The following ST6GAL1 variants were observed in gnomAD, a reference collection of about 807,000 sequenced individuals.
The protein encoded by ST6GAL1 is ST6 beta-galactoside alpha-2,6-sialyltransferase 1, also known as beta-galactoside alpha-2,6-sialyltransferase 1.
In ST6GAL1, 20 loss-of-function variants were observed where a neutral mutation model predicts 38.0. That is an observed-to-expected ratio of 0.53 (90% CI 0.37 to 0.77). The LOEUF is 0.77. ST6GAL1 is among the 30% of genes least tolerant of loss of function. ST6GAL1 has a pLI of 0.00. For synonymous variants in ST6GAL1, 196 were observed against 188.2 expected (o/e 1.04, Z -0.34); for missense variants, 432 against 496.4 (o/e 0.87, Z 1.23).
At chr3:187,027,081 A>G (rs865910428) in intron 2 of ST6GAL1, among the ~76,000 whole-genome samples, 9 of 151,966 alleles carry the variant, frequency 5.9e-5, no homozygotes, top group Middle Eastern at 3.4e-3. Context: ...AAAAATAAAA[A>G]ATAAAATAAA....
chr3:187,043,447 T>C, intron 4 of ST6GAL1, 137 bp downstream of exon 4: 1 of 1,292,964 alleles, frequency 7.7e-7, no homozygotes, highest in Non-Finnish European at 1.0e-6. Flanking sequence ...TTTTTCAGAG[T>C]CACAAGTGAC....
At chr3:187,017,620 C>T (rs1019644173) in intron 2 of ST6GAL1, among the ~76,000 whole-genome samples, 2 of 152,142 alleles carry the variant, frequency 1.3e-5, no homozygotes, top group Non-Finnish European at 2.9e-5. Flanking sequence ...CTAGCAATGA[C>T]GTCAGTTTGT....
At chr3:186,972,778 C>T (rs1715393849) in intron 2 of ST6GAL1, among the ~76,000 whole-genome samples, 1 of 152,180 alleles carries the variant, frequency 6.6e-6, no homozygotes, top group Admixed American at 6.5e-5. Context: ...TTCAGTGTAG[C>T]ACTGCCCTAT....
chr3:187,010,447 CAA>C (rs1261900324), intron 2 of ST6GAL1, among the ~76,000 whole-genome samples: 5 of 152,184 alleles, frequency 3.3e-5, no homozygotes, highest in African/African-American at 1.2e-4. Flanking sequence ...GAGGCAGAGA[CAA>C]GAGTAGAAGA....
intron 5 of ST6GAL1, among the ~76,000 whole-genome samples, chr3:187,065,893 C>T (rs1380182829): frequency 6.6e-6 from 1 of 152,170 alleles, no homozygotes; most frequent in Non-Finnish European, 1.5e-5. Flanking sequence ...CCACCAACCA[C>T]CATTTTACCT....
At chr3:187,055,393 A>T (rs1401859177) in intron 5 of ST6GAL1, among the ~76,000 whole-genome samples, 1 of 151,716 alleles carries the variant, frequency 6.6e-6, no homozygotes, top group African/African-American at 2.4e-5. Context: ...TTTAATTGTG[A>T]TGTTAGGGTG....
At chr3:186,991,731 C>G (rs1327436699) in intron 2 of ST6GAL1, among the ~76,000 whole-genome samples, 1 of 152,060 alleles carries the variant, frequency 6.6e-6, no homozygotes, top group African/African-American at 2.4e-5. Context: ...TGGGGTGATC[C>G]CTATTCACCT....
chr3:187,016,806 G>T (rs1290867023), intron 2 of ST6GAL1, among the ~76,000 whole-genome samples: 1 of 152,234 alleles, frequency 6.6e-6, no homozygotes, highest in Non-Finnish European at 1.5e-5. Context: ...GAGGGTAGCA[G>T]CCCCTTTGCC....
At chr3:186,979,119 G>A (rs1715611405) in intron 2 of ST6GAL1, among the ~76,000 whole-genome samples, 1 of 151,844 alleles carries the variant, frequency 6.6e-6, no homozygotes, top group South Asian at 2.1e-4. Context: ...CTGTATTTGG[G>A]GCATATTTGT....
chr3:187,044,679 T>C (rs1718237688), intron 4 of ST6GAL1, among the ~76,000 whole-genome samples: 1 of 152,240 alleles, frequency 6.6e-6, no homozygotes, highest in Non-Finnish European at 1.5e-5. Flanking sequence ...TTCTTCTTCA[T>C]GTCAAGTTAA....
intron 5 of ST6GAL1, chr3:187,064,444 T>C (rs930197254): frequency 2.7e-5 from 12 of 448,334 alleles, no homozygotes; most frequent in African/African-American, 2.2e-4. Flanking sequence ...AATCAGAATC[T>C]GACAGGGAGG....
chr3:186,993,666 C>G (rs1372456879), intron 2 of ST6GAL1, among the ~76,000 whole-genome samples: 1 of 151,598 alleles, frequency 6.6e-6, no homozygotes, highest in Non-Finnish European at 1.5e-5. Flanking sequence ...TTCTTTCCAA[C>G]CAGGAGTAGC....
intron 2 of ST6GAL1, among the ~76,000 whole-genome samples, chr3:186,968,263 A>C (rs12495852): frequency 6.6e-6 from 1 of 151,940 alleles, no homozygotes; most frequent in African/African-American, 2.4e-5. Flanking sequence ...AATAATACCT[A>C]CCTTGAGTGA....
intron 2 of ST6GAL1, among the ~76,000 whole-genome samples, chr3:187,027,378 C>A (rs1717578987): frequency 6.6e-6 from 1 of 152,178 alleles, no homozygotes; most frequent in South Asian, 2.1e-4. Flanking sequence ...TTATTAAATG[C>A]AGATTTCCAA....
intron 2 of ST6GAL1, among the ~76,000 whole-genome samples, chr3:186,999,382 T>A (rs1353802250): frequency 6.6e-6 from 1 of 151,876 alleles, no homozygotes; most frequent in African/African-American, 2.4e-5. Context: ...AGGCCCGGAT[T>A]TGTCGCCTTG....
chr3:186,986,505 A>G (rs965501467), intron 2 of ST6GAL1: 1 of 152,822 alleles, frequency 6.5e-6, no homozygotes, highest in Admixed American at 6.5e-5. Context: ...AGAATGTCCA[A>G]TGTAGGGGGT....
chr3:186,933,102 G>C (rs991290415), intron 1 of ST6GAL1, among the ~76,000 whole-genome samples: 5 of 152,222 alleles, frequency 3.3e-5, no homozygotes, highest in African/African-American at 1.2e-4. Context: ...CTTGTTTGGC[G>C]TGCTTTCCCC....
At chr3:186,992,516 G>A (rs779266113) in intron 2 of ST6GAL1, among the ~76,000 whole-genome samples, 2 of 152,094 alleles carry the variant, frequency 1.3e-5, no homozygotes, top group East Asian at 1.9e-4. Flanking sequence ...AAACATGGCC[G>A]GGCGCGGTGG....
At position 186,973,796 on chromosome 3, in the gene ST6GAL1, G is replaced by A. The variant is rs184170560; in HGVS notation, c.-183+9870G>A. Among the ~76,000 whole-genome samples the A allele has an allele frequency of 3.3e-5, 5 of 152,252 alleles. No individual in the cohort carries two copies. In the East Asian group the frequency reaches 9.7e-4, roughly 29 times the overall value. On this transcript the variant is annotated intron_variant, in intron 2 of 7. Coordinates refer to ENST00000169298, the MANE Select transcript of ST6GAL1 (RefSeq NM_173216.2). ...TGCACTGAAAGAAAACGGGACATGT[G>A]CCTTACCCAAGTTCAGTCAGCGAAG...
Sources: gnomAD v4.1 joint callset for allele counts (sites outside exome capture counted in the v4.1 genomes callset) on GRCh38, gnomAD v4.1.1 for gene constraint, MANE v1.5 for transcripts, NCBI Gene and HGNC (gene_info 2026-07-23, HGNC 2026-07-21) for gene names.